The following HDGF variants were observed in gnomAD, a reference collection of about 807,000 sequenced individuals.
HDGF encodes heparin binding growth factor.
In HDGF, 5 loss-of-function variants were observed where a neutral mutation model predicts 30.0. The observed-to-expected ratio is 0.17, with a 90% CI of 0.09 to 0.35. The LOEUF (loss-of-function observed/expected upper bound fraction) is 0.35. Among genes scored for constraint, HDGF ranks in the 10% least tolerant of loss-of-function variants. The pLI is 1.00. For missense variants in HDGF, 214 were observed against 302.8 expected (o/e 0.71, Z 2.18); for synonymous variants, 133 against 112.7 (o/e 1.18, Z -1.14).
intron 1 of HDGF, among the ~76,000 whole-genome samples, chr1:156,765,405 TTTTC>T (rs61168651): frequency 0.043 from 6,423 of 148,884 alleles, 182 homozygotes; most frequent in African/African-American, 0.069. Context: ...CTTTATCCAT[TTTTC>T]TTTCTTTCTT....
chr1:156,757,354 T>G (rs1651170400), upstream of HDGF, among the ~76,000 whole-genome samples: 1 of 151,760 alleles, frequency 6.6e-6, no homozygotes, highest in African/African-American at 2.4e-5. Context: ...TAATCCTAGC[T>G]ACTCGGGAGG....
chr1:156,764,747 A>G (rs1010953522), intron 1 of HDGF, among the ~76,000 whole-genome samples: 2 of 151,590 alleles, frequency 1.3e-5, no homozygotes, highest in African/African-American at 4.8e-5. Flanking sequence ...TTAGCTGGGC[A>G]TGGCGGTGCA....
chr1:156,763,555 C>T (rs1406149431), intron 1 of HDGF, among the ~76,000 whole-genome samples: 5 of 150,660 alleles, frequency 3.3e-5, no homozygotes, highest in Non-Finnish European at 5.9e-5. Flanking sequence ...TGATTACTTT[C>T]GAAAGGCTCA....
chr1:156,743,614 C>G (rs201434701), intron 5 of HDGF, 38 bp downstream of exon 5: 39 of 1,571,868 alleles, frequency 2.5e-5, no homozygotes, highest in Non-Finnish European at 3.2e-5. Context: ...GCCGGTCCCC[C>G]CTAGTCCAGC....
rs1650212354 is a variant in HDGF at position 156,742,700 on chromosome 1, GA to G, written c.*748del. Reference sequence around the variant, plus strand: ...TTGTGGCTTCAGAGATCTAAAGGGGGACAGATGCTCAACACTCCCACCCAAA... The same window carrying G: ...TTGTGGCTTCAGAGATCTAAAGGGGGCAGATGCTCAACACTCCCACCCAAA... On this transcript the variant is annotated 3_prime_UTR_variant, in exon 6 of 6. Coordinates refer to ENST00000357325, the MANE Select transcript of HDGF (RefSeq NM_004494.3). 1 of 154,576 alleles carries G rather than the reference GA, an allele frequency of 6.5e-6. No homozygotes were observed. Among genetic ancestry groups the G allele is most frequent in the Non-Finnish European group, 1.5e-5 (1 of 68,208 alleles). The allele number at this position is 154,576 out of a possible 1,614,324, so 9.6% of individuals were successfully genotyped here. A position where few individuals can be genotyped will look rare whatever the true frequency, so the allele number is the denominator to read the frequency against.
chr1:156,758,550 G>A (rs1340814704), intron 2 of HDGF, among the ~76,000 whole-genome samples: 4 of 148,650 alleles, frequency 2.7e-5, no homozygotes, highest in African/African-American at 9.9e-5. Flanking sequence ...CTGAGATCGC[G>A]CCACTGCACT....
chr1:156,751,412 C>T lies in HDGF; in HGVS notation c.18G>A (p.Arg6=), dbSNP rs570988018. The change falls in exon 1 of 6, where the codon CGG becomes CGA. Residue 6 remains arginine (R), a synonymous_variant. Coordinates refer to ENST00000357325, the MANE Select transcript of HDGF (RefSeq NM_004494.3). The surrounding 1 kb of genome is among the most constrained non-coding windows in gnomAD (Gnocchi z 4.7). ...GGTCCCCGCATTTGTACTCCTTCTG[C>T]CGGTTGGATCGCGACATGGCGGGGC... The part of the protein sequence containing the change: MSRSN[R]QKEYKCGDLV... The T allele has an allele frequency of 1.9e-6, 3 of 1,595,174 alleles. No individual in the cohort carries two copies. The highest frequency in any genetic ancestry group is 2.3e-5 in the East Asian group (1 of 42,846).
At chr1:156,764,444 G>A (rs901037878) in intron 1 of HDGF, among the ~76,000 whole-genome samples, 6 of 148,562 alleles carry the variant, frequency 4.0e-5, no homozygotes, top group South Asian at 2.1e-4. Context: ...GGATCCGCCC[G>A]CCTCAGCCTC....
upstream of HDGF, among the ~76,000 whole-genome samples, chr1:156,756,774 A>AT (rs1351276968): frequency 2.2e-5 from 3 of 138,850 alleles, no homozygotes; most frequent in African/African-American, 5.4e-5. Context: ...TTAAAAAGTT[A>AT]TTTTTTTAAA....
upstream of HDGF, among the ~76,000 whole-genome samples, chr1:156,755,252 G>T (rs74118757): frequency 7.6e-3 from 1,161 of 152,252 alleles, 14 homozygotes; most frequent in African/African-American, 0.026. Flanking sequence ...GTGCAGATCT[G>T]GCTCTAGGAT....
intron 1 of HDGF, among the ~76,000 whole-genome samples, chr1:156,760,312 T>G (rs892662079): frequency 2.0e-5 from 3 of 149,784 alleles, no homozygotes; most frequent in Admixed American, 2.0e-4. Flanking sequence ...GACAGAGGCC[T>G]GGGGAGGAGA....
intron 4 of HDGF, 59 bp from the exon 5 acceptor site, chr1:156,743,937 C>T: frequency 7.8e-7 from 1 of 1,290,162 alleles, no homozygotes. Flanking sequence ...ACCAGCCACC[C>T]ACTCCTCTCC....
chr1:156,749,589 CCT>C (rs567346877), intron 1 of HDGF, among the ~76,000 whole-genome samples: 12 of 152,312 alleles, frequency 7.9e-5, no homozygotes, highest in African/African-American at 2.6e-4. Flanking sequence ...CGCTGCCTCC[CCT>C]GTCCTTCCCT....
chr1:156,752,422 T>G, upstream of HDGF: 2 of 1,459,784 alleles, frequency 1.4e-6, no homozygotes, highest in Non-Finnish European at 1.9e-6. Flanking sequence ...AACGGCTAGC[T>G]AACCCCGCAA....
At chr1:156,744,434 C>T in intron 3 of HDGF, 86 bp from the exon 4 acceptor site, 8 of 1,585,858 alleles carry the variant, frequency 5.0e-6, no homozygotes, top group Middle Eastern at 1.7e-4. Context: ...CCACTCACTC[C>T]TTCCTTTTCC....
At chr1:156,744,380 C>G in intron 3 of HDGF, 32 bp from the exon 4 acceptor site, 1 of 1,610,826 alleles carries the variant, frequency 6.2e-7, no homozygotes, top group Non-Finnish European at 8.5e-7. Flanking sequence ...CTGAGTGGCA[C>G]CAGTCGCTGC....
intron 1 of HDGF, among the ~76,000 whole-genome samples, chr1:156,748,076 G>A (rs1384623344): frequency 6.6e-6 from 1 of 152,126 alleles, no homozygotes; most frequent in African/African-American, 2.4e-5. Flanking sequence ...GGAAGAGAGA[G>A]GAAGACAGGG....
Position 156,743,747 on chromosome 1 carries a change from G to A in HDGF, c.621C>T (p.Gly207=). The change falls in exon 5 of 6, where the codon GGC becomes GGT. Residue 207 remains glycine, a synonymous_variant. Transcript: ENST00000357325. ...KNSTPSEPGS[G]RGPPQEEEEE... is the part of the protein sequence containing the mutation. ...CTTCTTCCTCTTGGGGAGGCCCCCG[G>A]CCAGAGCCGGGCTCAGAGGGGGTGC... The A allele has an allele frequency of 6.2e-7, 1 of 1,600,264 alleles. No homozygotes were observed. Among genetic ancestry groups the A allele is most frequent in the Non-Finnish European group, 8.5e-7 (1 of 1,173,444 alleles).
rs1287090650 is a variant in HDGF at position 156,744,197 on chromosome 1, C to T, written c.455G>A (p.Gly152Glu). ...DEPAKEKNEK[G>E]ALKRRAGDLL... The stretch of plus-strand genomic sequence containing the variant: ...GTCCCCTGCTCTCCTCTTCAACGCT[C>T]CTTTCTCGTTCTTCTCCTTGGCTGG... Residue 152 changes from glycine (G) to glutamate (E), a missense_variant, in exon 4 of 6, where the codon GGA becomes GAA. Around this residue, in one of 2 missense-constraint regions of HDGF, gnomAD observed 176 missense variants for 211.7 expected, o/e 0.83. Coordinates refer to ENST00000357325, the MANE Select transcript of HDGF (RefSeq NM_004494.3). 2 of 1,614,016 alleles carry T rather than the reference C, an allele frequency of 1.2e-6. No homozygotes were observed. Among genetic ancestry groups the T allele is most frequent in the Non-Finnish European group, 8.5e-7 (1 of 1,180,014 alleles).
Sources: gnomAD v4.1 joint callset for allele counts (sites outside exome capture counted in the v4.1 genomes callset) on GRCh38, gnomAD v4.1.1 for gene constraint, gnomAD v4.1.1 regional missense constraint, Gnocchi (gnomAD v3.1) non-coding constraint, MANE v1.5 for transcripts, NCBI Gene and HGNC (gene_info 2026-07-23, HGNC 2026-07-21) for gene names.